Variants in DCC observed in about 807,000 individuals in gnomAD.
DCC encodes the protein DCC netrin 1 receptor, also known as netrin receptor DCC.
Under a neutral mutation model 172.5 loss-of-function variants are expected in DCC, and 58 were observed. The ratio of observed to expected loss-of-function variants is 0.34; its 90% CI spans 0.27 to 0.42. The LOEUF (loss-of-function observed/expected upper bound fraction) is 0.42, where lower values mean the gene tolerates loss of function less well. Among genes scored for constraint, DCC ranks in the 10% least tolerant of loss-of-function variants. The pLI is 1.00. For missense variants in DCC, 1,740 were observed against 1,791.0 expected (o/e 0.97, Z 0.51); for synonymous variants, 709 against 644.5 (o/e 1.10, Z -1.52).
At chr18:52,787,851 C>T (rs1336765945) in intron 2 of DCC, among the ~76,000 whole-genome samples, 1 of 152,118 alleles carries the variant, frequency 6.6e-6, no homozygotes, top group African/African-American at 2.4e-5. Context: ...TTTACTATTG[C>T]ATGAAAATCC....
At chr18:52,396,099 C>T (rs963242304) in intron 1 of DCC, among the ~76,000 whole-genome samples, 1 of 151,948 alleles carries the variant, frequency 6.6e-6, no homozygotes, top group Non-Finnish European at 1.5e-5. Context: ...CTAATACTGA[C>T]GCTGATGGGT....
chr18:52,970,024 A>G (rs1345481861), intron 5 of DCC, among the ~76,000 whole-genome samples: 2 of 152,138 alleles, frequency 1.3e-5, no homozygotes, highest in Admixed American at 1.3e-4. Flanking sequence ...GACACATAAT[A>G]TTTAAAAAAT....
intron 12 of DCC, among the ~76,000 whole-genome samples, chr18:53,302,797 C>T (rs780077485): frequency 5.3e-5 from 8 of 152,060 alleles, no homozygotes; most frequent in African/African-American, 1.4e-4. Context: ...TTTCTAATAT[C>T]GAGTGTTGTT....
chr18:53,099,959 TTG>T (rs1445308063), intron 7 of DCC, among the ~76,000 whole-genome samples: 1,786 of 124,910 alleles, frequency 0.014, 59 homozygotes, highest in Non-Finnish European at 0.02. Context: ...TTTTTTTTTT[TTG>T]TTTGAGACAG....
At chr18:53,451,720 T>G (rs554177015) in intron 23 of DCC, among the ~76,000 whole-genome samples, 1 of 152,020 alleles carries the variant, frequency 6.6e-6, no homozygotes, top group South Asian at 2.1e-4. Context: ...GCTCTCTCTC[T>G]CTCTCTCTCT....
chr18:53,324,961 G>A (rs2057450720), intron 14 of DCC, among the ~76,000 whole-genome samples: 2 of 152,014 alleles, frequency 1.3e-5, no homozygotes, highest in Admixed American at 6.6e-5. Context: ...TTGAGGCCAA[G>A]GCAGGTGGAT....
chr18:53,121,973 C>G (rs1034445136), intron 7 of DCC, among the ~76,000 whole-genome samples: 1 of 151,908 alleles, frequency 6.6e-6, no homozygotes, highest in Non-Finnish European at 1.5e-5. Flanking sequence ...TATGCAAACC[C>G]TATTTTGAGA....
At chr18:53,275,943 T>TAA (rs1023824806) in intron 12 of DCC, among the ~76,000 whole-genome samples, 4 of 152,116 alleles carry the variant, frequency 2.6e-5, no homozygotes, top group African/African-American at 9.7e-5. Flanking sequence ...AGGCCATTAG[T>TAA]AAAATATAAT....
rs117521912 is a variant in DCC, at chr18:53,370,630, G to A, written c.2360-15413G>A. Among the ~76,000 whole-genome samples, 847 of 151,878 alleles carry A rather than the reference G, an allele frequency of 5.6e-3. 6 individuals carry two copies. The highest frequency in any genetic ancestry group is 0.024 in the Admixed American group (371 of 15,222). ...TTCTAATTTCCTTTGTTGTTTAAGA[G>A]TGTATTGTGTTATTTAATTTCCATA... On this transcript the variant is annotated intron_variant, in intron 15 of 28. Transcript: ENST00000442544.
At chr18:53,197,740 A>T (rs1335798056) in intron 9 of DCC, among the ~76,000 whole-genome samples, 2 of 152,110 alleles carry the variant, frequency 1.3e-5, no homozygotes, top group African/African-American at 4.8e-5. Context: ...TTAAAGAAAC[A>T]TATATGAAAA....
At chr18:53,123,612 G>T (rs963454940) in intron 7 of DCC, among the ~76,000 whole-genome samples, 31 of 152,110 alleles carry the variant, frequency 2.0e-4, no homozygotes, top group African/African-American at 6.7e-4. Flanking sequence ...TTTTAAGTAG[G>T]AATGCTCTTT....
intron 1 of DCC, among the ~76,000 whole-genome samples, chr18:52,693,718 G>A (rs1387818117): frequency 2.0e-5 from 3 of 151,636 alleles, no homozygotes; most frequent in African/African-American, 4.8e-5. Flanking sequence ...AGAGAGCCAG[G>A]GACTGCTCAA....
chr18:52,972,173 A>G (rs937776633), intron 5 of DCC, among the ~76,000 whole-genome samples: 1 of 152,218 alleles, frequency 6.6e-6, no homozygotes, highest in African/African-American at 2.4e-5. Flanking sequence ...ACCGTAGGGC[A>G]GAGGATATAT....
At chr18:52,877,783 A>G (rs191614803) in intron 2 of DCC, among the ~76,000 whole-genome samples, 15 of 146,240 alleles carry the variant, frequency 1.0e-4, no homozygotes, top group Non-Finnish European at 1.6e-4. Context: ...GGGAGTTTCT[A>G]AGTTAGGTTC....
At chr18:53,225,890 A>C (rs1482628091) in intron 12 of DCC, among the ~76,000 whole-genome samples, 1 of 152,114 alleles carries the variant, frequency 6.6e-6, no homozygotes, top group Non-Finnish European at 1.5e-5. Context: ...AGAACGGGTC[A>C]GGGGGATTAA....
chr18:53,164,719 T>C (rs1352796757), intron 8 of DCC, among the ~76,000 whole-genome samples: 1 of 152,224 alleles, frequency 6.6e-6, no homozygotes, highest in Non-Finnish European at 1.5e-5. Flanking sequence ...CATTCCATTC[T>C]TATTAGCTAA....
intron 2 of DCC, among the ~76,000 whole-genome samples, chr18:52,784,654 A>T (rs906670310): frequency 6.6e-6 from 1 of 151,892 alleles, no homozygotes; most frequent in Non-Finnish European, 1.5e-5. Context: ...CATTGTGATG[A>T]CTGATGATGT....
At chr18:53,209,250 T>C (rs953535298) in intron 11 of DCC, among the ~76,000 whole-genome samples, 4 of 152,182 alleles carry the variant, frequency 2.6e-5, no homozygotes, top group Non-Finnish European at 5.9e-5. Flanking sequence ...AACTGCTAGA[T>C]GATCATGAAA....
At chr18:53,017,276 C>G (rs1246630666) in intron 5 of DCC, among the ~76,000 whole-genome samples, 9 of 152,064 alleles carry the variant, frequency 5.9e-5, no homozygotes, top group Admixed American at 5.9e-4. Flanking sequence ...TGCTTCATAA[C>G]ATGCAAATAT....
Sources: allele counts gnomAD v4.1 joint callset (sites outside exome capture counted in the v4.1 genomes callset), GRCh38; gene constraint gnomAD v4.1.1; transcripts MANE v1.5; gene names NCBI Gene and HGNC (gene_info 2026-07-23, HGNC 2026-07-21).